The following KDM5A variants were observed in gnomAD, a reference collection of about 807,000 sequenced individuals.
KDM5A encodes lysine demethylase 5A, also known as lysine-specific demethylase 5A.
In KDM5A, 42 loss-of-function variants were observed where a neutral mutation model predicts 193.5. The observed-to-expected ratio is 0.22, with a 90% CI of 0.17 to 0.28. The LOEUF (loss-of-function observed/expected upper bound fraction) is 0.28. Among genes scored for constraint, KDM5A ranks in the 10% least tolerant of loss-of-function variants. KDM5A has a pLI of 1.00. For missense variants in KDM5A, 1,692 were observed against 2,055.1 expected (o/e 0.82, Z 3.42); for synonymous variants, 796 against 718.1 (o/e 1.11, Z -1.73).
At chr12:308,576 AAC>A (rs746108891) in intron 22 of KDM5A, among the ~76,000 whole-genome samples, 16 of 152,362 alleles carry the variant, frequency 1.1e-4, no homozygotes, top group Middle Eastern at 3.4e-3. Context: ...CAGTTGTAAC[AAC>A]AGAGTTTTAT....
At chr12:384,221 C>T in intron 2 of KDM5A, 68 bp from the exon 3 acceptor site, 1 of 1,168,946 alleles carries the variant, frequency 8.6e-7, no homozygotes, top group Non-Finnish European at 1.3e-6. Context: ...GAGCAGGGGT[C>T]CCCAAACCCC....
chr12:377,971 A>G (rs930335498), intron 3 of KDM5A, among the ~76,000 whole-genome samples: 9 of 152,218 alleles, frequency 5.9e-5, no homozygotes, highest in South Asian at 4.1e-4. Flanking sequence ...GTTTGAAAAT[A>G]TATTTTTCAC....
At position 355,255 on chromosome 12, in the gene KDM5A, A is replaced by T. The variant is rs769151249; in HGVS notation, c.779-6T>A. ...TCGTCTTCGGGTGACCTCATCTTGA[A>T]ATAAAAAGTTACACAATAATAGTAA... On this transcript the variant is annotated splice_region_variant and splice_polypyrimidine_tract_variant and intron_variant, in intron 6 of 27. Transcript: ENST00000399788. 1.3e-6 allele frequency: 2 copies of T among 1,564,612 alleles called. No individual in the cohort carries two copies. Among genetic ancestry groups the T allele is most frequent in the Non-Finnish European group, 1.8e-6 (2 of 1,134,818 alleles).
At position 297,079 on chromosome 12, in the gene KDM5A, T is replaced by C. The variant is rs1565525062; in HGVS notation, c.4196A>G (p.Glu1399Gly). 1 of 1,614,066 alleles carries C rather than the reference T, an allele frequency of 6.2e-7. No individual in the cohort carries two copies. ...CTTAGAAGCAGAAGAATAAGCATGCTCTGCACAAAATGAAGGTGCTGTCCA... is the reference window on the plus strand; with the variant it reads ...CTTAGAAGCAGAAGAATAAGCATGCCCTGCACAAAATGAAGGTGCTGTCCA... Reference protein sequence around the residue: ...HMWTAPSFCAEHAYSSASKSC... With the variant: ...HMWTAPSFCAGHAYSSASKSC... The change falls in exon 25 of 28, where the codon GAG (glutamate) becomes GGG (glycine). Residue 1399 changes from glutamate to glycine, a missense_variant. Coordinates refer to ENST00000399788, the MANE Select transcript of KDM5A (RefSeq NM_001042603.3).
chr12:384,624 G>C (rs1944617098), intron 2 of KDM5A, among the ~76,000 whole-genome samples: 1 of 152,106 alleles, frequency 6.6e-6, no homozygotes, highest in South Asian at 2.1e-4. Context: ...ATAATAAAGA[G>C]GCAAAAGACT....
intron 10 of KDM5A, among the ~76,000 whole-genome samples, chr12:345,811 GC>G (rs1360299412): frequency 3.9e-5 from 6 of 152,164 alleles, no homozygotes; most frequent in Non-Finnish European, 8.8e-5. Flanking sequence ...ACAAGAGAAA[GC>G]AGGAAAGATC....
intron 3 of KDM5A, among the ~76,000 whole-genome samples, chr12:367,702 C>T (rs190365455): frequency 1.6e-3 from 233 of 147,852 alleles, no homozygotes; most frequent in African/African-American, 4.9e-3. Context: ...ACTCCATCTC[C>T]GAAAAAAAAA....
intron 27 of KDM5A, chr12:286,230 A>C (rs1943218032): frequency 2.0e-6 from 1 of 493,794 alleles, no homozygotes; most frequent in African/African-American, 2.0e-5. Context: ...AGCAAATATC[A>C]GATGTCAAAT....
In KDM5A at chr12:362,959, A is replaced by G. The variant is rs759770898; in HGVS notation, c.672+4T>C. The G allele has an allele frequency of 6.2e-7, 1 of 1,614,024 alleles. No homozygotes were observed. Among genetic ancestry groups the G allele is most frequent in the Non-Finnish European group, 8.5e-7 (1 of 1,179,872 alleles). On this transcript the variant is annotated splice_donor_region_variant and intron_variant, in intron 5 of 27. Coordinates refer to ENST00000399788, the MANE Select transcript of KDM5A (RefSeq NM_001042603.3). ...AAATTTAAAAAAGCCCAAGACATTGATACCTGAGTCTTCACACGTCTTGTT... is the reference window on the plus strand; with the variant it reads ...AAATTTAAAAAAGCCCAAGACATTGGTACCTGAGTCTTCACACGTCTTGTT...
At chr12:344,069 A>G (rs181022410) in intron 10 of KDM5A, among the ~76,000 whole-genome samples, 1 of 152,356 alleles carries the variant, frequency 6.6e-6, no homozygotes, top group East Asian at 1.9e-4. Context: ...AGAAGACCTT[A>G]AATGACCTGA....
At chr12:317,632 C>A (rs530167030) in intron 19 of KDM5A, among the ~76,000 whole-genome samples, 20 of 152,310 alleles carry the variant, frequency 1.3e-4, no homozygotes, top group African/African-American at 4.3e-4. Context: ...AGGGAAGGCA[C>A]AAAACATTTA....
intron 27 of KDM5A, among the ~76,000 whole-genome samples, chr12:289,847 T>G (rs1943267571): frequency 6.6e-6 from 1 of 151,620 alleles, no homozygotes. Context: ...GAAGTTATTT[T>G]TTGCTGCATG....
At chr12:290,196 T>C (rs1943276056) in intron 27 of KDM5A, among the ~76,000 whole-genome samples, 1 of 152,200 alleles carries the variant, frequency 6.6e-6, no homozygotes, top group Non-Finnish European at 1.5e-5. Flanking sequence ...CACTAAACAC[T>C]GAGAAAGTTT....
At chr12:322,238 C>A in intron 17 of KDM5A, 179 bp downstream of exon 17, 1 of 627,028 alleles carries the variant, frequency 1.6e-6, no homozygotes, top group South Asian at 1.9e-5. Context: ...ACACTGCAGG[C>A]TGGAGCAAGA....
chr12:381,741 T>C (rs1029330124), intron 3 of KDM5A, among the ~76,000 whole-genome samples: 10 of 152,166 alleles, frequency 6.6e-5, no homozygotes, highest in African/African-American at 2.4e-4. Flanking sequence ...CTTCCCAAAT[T>C]TTTTAGTAAG....
Position 359,699 on chromosome 12 carries a change from G to A in KDM5A, c.673-3162C>T, listed in dbSNP as rs371277627. On this transcript the variant is annotated intron_variant, in intron 5 of 27. Transcript: ENST00000399788. ...AGAGGTTGCGATTAACCAAGACTGC[G>A]CCACTGCACTCCAGCCTGGGTGACA... Among the ~76,000 whole-genome samples, 15 of 138,400 alleles carry A rather than the reference G, an allele frequency of 1.1e-4. No homozygotes were observed. The South Asian group carries it at 1.7e-3, about 16-fold the overall frequency. The allele number at this position is 138,400 out of a possible 152,430, so 90.8% of individuals were successfully genotyped here. A position where few individuals can be genotyped will look rare whatever the true frequency, so the allele number is the denominator to read the frequency against.
chr12:375,914 T>A (rs1475570732), intron 3 of KDM5A, among the ~76,000 whole-genome samples: 1 of 152,170 alleles, frequency 6.6e-6, no homozygotes, highest in Non-Finnish European at 1.5e-5. Context: ...GAACAGCAAA[T>A]ATTGCTGCCT....
chr12:312,739 C>T (rs1943603944), intron 20 of KDM5A, among the ~76,000 whole-genome samples: 1 of 152,166 alleles, frequency 6.6e-6, no homozygotes, highest in Admixed American at 6.5e-5. Flanking sequence ...GCCTAGCCTA[C>T]CTTAAAGGTG....
chr12:329,479 T>C (rs1330460004), intron 13 of KDM5A, among the ~76,000 whole-genome samples: 1 of 150,916 alleles, frequency 6.6e-6, no homozygotes, highest in African/African-American at 2.4e-5. Context: ...GAACAGATGT[T>C]ATTAGAAGAA....
Sources: gnomAD v4.1 joint callset for allele counts (sites outside exome capture counted in the v4.1 genomes callset) on GRCh38, gnomAD v4.1.1 for gene constraint, MANE v1.5 for transcripts, NCBI Gene and HGNC (gene_info 2026-07-23, HGNC 2026-07-21) for gene names.